CTNNA3: variants seen among roughly 807,000 people sequenced by gnomAD.
The protein encoded by CTNNA3 is catenin alpha-3.
A neutral mutation model predicts 95.7 loss-of-function variants in CTNNA3; 76 were observed. The observed-to-expected ratio is 0.79, with a 90% confidence interval of 0.66 to 0.96. The LOEUF (loss-of-function observed/expected upper bound fraction) is 0.96. Ranked by LOEUF, CTNNA3 falls within the 40% of genes least tolerant of loss-of-function variation. The pLI is 0.00. For synonymous variants in CTNNA3, 431 were observed against 374.4 expected (o/e 1.15, Z -1.74); for missense variants, 1,191 against 1,089.8 (o/e 1.09, Z -1.31).
chr10:67,109,853 G>A (rs1858826798), intron 7 of CTNNA3, among the ~76,000 whole-genome samples: 2 of 151,966 alleles, frequency 1.3e-5, no homozygotes, highest in Non-Finnish European at 2.9e-5. Context: ...AAAAAGAAAA[G>A]AAAAAGAAAA....
chr10:66,006,203 C>T (rs573481413), intron 15 of CTNNA3, among the ~76,000 whole-genome samples: 14 of 151,692 alleles, frequency 9.2e-5, no homozygotes, highest in Non-Finnish European at 1.5e-4. Flanking sequence ...TTAGTAGAGA[C>T]GGGGCTTCAC....
chr10:66,621,541 G>A (rs1338397118), intron 10 of CTNNA3, 151 bp downstream of exon 10: 4 of 479,910 alleles, frequency 8.3e-6, no homozygotes, highest in African/African-American at 2.1e-5. Context: ...GCAGTCAGTC[G>A]AGATTGCGCC....
At chr10:66,658,514 G>A (rs1456820792) in intron 9 of CTNNA3, among the ~76,000 whole-genome samples, 9 of 152,226 alleles carry the variant, frequency 5.9e-5, no homozygotes, top group Middle Eastern at 3.4e-3. Context: ...TATAAGAGAG[G>A]AGGTCAATGT....
At chr10:66,160,235 T>C (rs2084770714) in intron 13 of CTNNA3, among the ~76,000 whole-genome samples, 1 of 152,040 alleles carries the variant, frequency 6.6e-6, no homozygotes, top group Admixed American at 6.6e-5. Flanking sequence ...GTTTGATTTG[T>C]TCTTGTTTCT....
intron 13 of CTNNA3, among the ~76,000 whole-genome samples, chr10:66,156,205 G>A (rs2133918756): frequency 6.6e-6 from 1 of 151,944 alleles, no homozygotes; most frequent in Non-Finnish European, 1.5e-5. Context: ...ATATATCCCA[G>A]ACTTGGAGCT....
At chr10:66,256,274 G>A (rs2090768302) in intron 13 of CTNNA3, among the ~76,000 whole-genome samples, 1 of 152,162 alleles carries the variant, frequency 6.6e-6, no homozygotes, top group Non-Finnish European at 1.5e-5. Context: ...AGCCCTGCAG[G>A]CCAATCCATT....
chr10:67,646,388 T>C (rs1332702328), intron 2 of CTNNA3, among the ~76,000 whole-genome samples: 1 of 151,990 alleles, frequency 6.6e-6, no homozygotes, highest in African/African-American at 2.4e-5. Flanking sequence ...CACAGTCATC[T>C]AGTATAAATT....
At chr10:66,427,983 T>C (rs2093257801) in intron 11 of CTNNA3, among the ~76,000 whole-genome samples, 1 of 152,026 alleles carries the variant, frequency 6.6e-6, no homozygotes, top group African/African-American at 2.4e-5. Flanking sequence ...TCAAGACCCA[T>C]CAGTGTGCTG....
chr10:67,192,522 A>T (rs1863163493), intron 6 of CTNNA3, among the ~76,000 whole-genome samples: 1 of 152,008 alleles, frequency 6.6e-6, no homozygotes, highest in Non-Finnish European at 1.5e-5. Context: ...AGCACTGATC[A>T]TCAAGGGAAA....
intron 7 of CTNNA3, among the ~76,000 whole-genome samples, chr10:67,151,419 A>G (rs1428400210): frequency 6.6e-6 from 1 of 152,358 alleles, no homozygotes; most frequent in East Asian, 1.9e-4. Flanking sequence ...GACACCAAGT[A>G]TCATATGGAA....
intron 10 of CTNNA3, among the ~76,000 whole-genome samples, chr10:66,620,177 C>T (rs1304286303): frequency 6.6e-6 from 1 of 152,010 alleles, no homozygotes; most frequent in East Asian, 1.9e-4. Context: ...AAACCACAAA[C>T]CAGGACACCC....
At chr10:65,932,596 CA>C (rs2077272117) in intron 17 of CTNNA3, among the ~76,000 whole-genome samples, 1 of 152,020 alleles carries the variant, frequency 6.6e-6, no homozygotes, top group Non-Finnish European at 1.5e-5. Context: ...GCCGTAACTC[CA>C]AAGCCCTCAT....
intron 7 of CTNNA3, among the ~76,000 whole-genome samples, chr10:67,079,991 T>A (rs1222053211): frequency 6.6e-6 from 1 of 150,622 alleles, no homozygotes; most frequent in East Asian, 2.0e-4. Flanking sequence ...TAGAGGAGGG[T>A]GGTTGTACAA....
At chr10:67,101,726 T>G (rs989189362) in intron 7 of CTNNA3, among the ~76,000 whole-genome samples, 1 of 151,840 alleles carries the variant, frequency 6.6e-6, no homozygotes, top group Non-Finnish European at 1.5e-5. Flanking sequence ...CATTGACTGC[T>G]TAGAAATAGT....
At chr10:67,710,578 T>C (rs1841101908) in intron 1 of CTNNA3, among the ~76,000 whole-genome samples, 2 of 152,130 alleles carry the variant, frequency 1.3e-5, no homozygotes, top group Non-Finnish European at 2.9e-5. Context: ...CACAGTGACA[T>C]ATCCACAACA....
chr10:66,856,335 G>A (rs1385435820), intron 7 of CTNNA3, among the ~76,000 whole-genome samples: 2 of 152,028 alleles, frequency 1.3e-5, no homozygotes, highest in Non-Finnish European at 1.5e-5. Flanking sequence ...GGGCGTTTAG[G>A]TTGATTCCAC....
intron 5 of CTNNA3, among the ~76,000 whole-genome samples, chr10:67,220,959 T>A (rs1381083007): frequency 1.3e-5 from 2 of 151,984 alleles, no homozygotes; most frequent in Non-Finnish European, 2.9e-5. Context: ...TTGGTGAACA[T>A]CCTAAATGAC....
At chr10:66,123,998 T>G (rs1458850021) in intron 13 of CTNNA3, among the ~76,000 whole-genome samples, 1 of 151,998 alleles carries the variant, frequency 6.6e-6, no homozygotes, top group Non-Finnish European at 1.5e-5. Flanking sequence ...CCCATTGTCT[T>G]GGTGCTTAAC....
chr10:67,208,073 T>C (rs1384981725), intron 6 of CTNNA3, among the ~76,000 whole-genome samples: 1 of 152,120 alleles, frequency 6.6e-6, no homozygotes, highest in African/African-American at 2.4e-5. Context: ...ATGTTTATCA[T>C]AGCTATAAGA....
Sources: gnomAD v4.1 joint callset for allele counts (sites outside exome capture counted in the v4.1 genomes callset) on GRCh38, gnomAD v4.1.1 for gene constraint, MANE v1.5 for transcripts, NCBI Gene and HGNC (gene_info 2026-07-23, HGNC 2026-07-21) for gene names.